TEX11: variants seen among roughly 807,000 people sequenced by gnomAD.
The protein encoded by TEX11 is testis expressed 11.
Under a neutral mutation model 84.4 loss-of-function variants are expected in TEX11, and 7 were observed. That is an observed-to-expected ratio of 0.08 (90% CI 0.05 to 0.16). The LOEUF (loss-of-function observed/expected upper bound fraction) is 0.16, where lower values mean the gene tolerates loss of function less well. Ranked by LOEUF, TEX11 falls within the 10% of genes least tolerant of loss-of-function variation. The pLI, the probability that TEX11 is intolerant of heterozygous loss-of-function variation, is 1.00. For missense variants in TEX11, 551 were observed against 660.5 expected (o/e 0.83, Z 1.82); for synonymous variants, 264 against 222.8 (o/e 1.18, Z -1.64).
chrX:70,789,356 C>T (rs781002571), intron 9 of TEX11, among the ~76,000 whole-genome samples: 13 of 111,853 alleles, frequency 1.2e-4, no homozygotes, highest in Non-Finnish European at 2.4e-4. Context: ...CTTTGGGAGG[C>T]CAAGGCAAGC....
At chrX:70,791,529 A>G (rs2091118117) in intron 9 of TEX11, among the ~76,000 whole-genome samples, 1 of 111,961 alleles carries the variant, frequency 8.9e-6, no homozygotes, top group Non-Finnish European at 1.9e-5. Flanking sequence ...TCTACAAAAT[A>G]TGTCACTCAG....
intron 9 of TEX11, among the ~76,000 whole-genome samples, chrX:70,776,319 T>C (rs1307440180): frequency 9.0e-6 from 1 of 110,667 alleles, no homozygotes; most frequent in Non-Finnish European, 1.9e-5. Context: ...CCCAGCACTT[T>C]GGGGGGCCGA....
chrX:70,724,764 GATA>G (rs1242081070), intron 12 of TEX11, among the ~76,000 whole-genome samples: 2 of 111,420 alleles, frequency 1.8e-5, no homozygotes, highest in Admixed American at 9.6e-5. Context: ...TGATGAGGTA[GATA>G]ATAATAATAT....
chrX:70,642,350 A>G (rs1343942533), intron 17 of TEX11, among the ~76,000 whole-genome samples: 18 of 111,466 alleles, frequency 1.6e-4, no homozygotes, highest in Admixed American at 5.7e-4. Flanking sequence ...ACAAGGAGGA[A>G]CCGGTACCAT....
Position 70,746,163 on chromosome X carries a change from C to A in TEX11, c.693-1944G>T, listed in dbSNP as rs778431896. On this transcript the variant is annotated intron_variant, in intron 9 of 29. Transcript: ENST00000374333. ...CTGGCTCCATGTGATGGAAGCTGCT[C>A]CAGATGGGTGCAGCCAAGAAGATAG... Among the ~76,000 whole-genome samples, 8 of 111,723 alleles carry A rather than the reference C, an allele frequency of 7.2e-5. No individual in the cohort carries two copies. In the East Asian group the frequency reaches 2.3e-3, roughly 32 times the overall value.
chrX:70,611,273 T>C (rs1324403199), intron 20 of TEX11, among the ~76,000 whole-genome samples: 2 of 111,768 alleles, frequency 1.8e-5, no homozygotes, highest in Non-Finnish European at 3.8e-5. Context: ...CTTGGACCTA[T>C]AAGAGACGAG....
At chrX:70,782,468 A>C (rs1248409729) in intron 9 of TEX11, among the ~76,000 whole-genome samples, 1 of 109,965 alleles carries the variant, frequency 9.1e-6, no homozygotes, top group African/African-American at 3.3e-5. Context: ...ACACATAACA[A>C]TATTAACCTT....
At chrX:70,529,765 T>C (rs749322072) in intron 29 of TEX11, 70 bp downstream of exon 29, 49 of 1,070,045 alleles carry the variant, frequency 4.6e-5, no homozygotes, top group Non-Finnish European at 6.0e-5. Context: ...GTTGAGTCCT[T>C]GTGGAGAGCC....
chrX:70,644,582 C>G (rs1188642350), intron 17 of TEX11, among the ~76,000 whole-genome samples: 1 of 103,876 alleles, frequency 9.6e-6, no homozygotes, highest in Admixed American at 1.1e-4. Flanking sequence ...CCATGGAATA[C>G]TATGCAGCCA....
rs368191222 is a variant in TEX11 at position 70,529,877 on chromosome X, G to A, written c.2643C>T (p.Phe881=). The A allele has an allele frequency of 1.0e-4, 123 of 1,209,186 alleles. No homozygotes were observed. The highest frequency in any genetic ancestry group is 1.3e-4 in the Non-Finnish European group (116 of 895,075). The change falls in exon 29 of 30, where the codon TTC becomes TTT. Residue 881 remains phenylalanine, a synonymous_variant. Coordinates refer to ENST00000374333, the MANE Select transcript of TEX11 (RefSeq NM_031276.3). ...AEKWCGLALR[F]LNHLTSFKES... is the part of the protein sequence containing the mutation. ...CCTTGAAGGAGGTAAGGTGGTTAAG[G>A]AAACGCAAGGCCAGGCCACACCACT...
rs529431520 is a variant in TEX11, at chrX:70,592,583, C to T, written c.2068-760G>A. 1.3e-4 allele frequency among the ~76,000 whole-genome samples: 15 copies of T among 111,707 alleles called. No homozygotes were observed. In the South Asian group the frequency reaches 3.8e-3, roughly 28 times the overall value. ...GTCTCAATCTCATCTCATCTCAGCTCTCTCATCTCAGCTCTCATCTCAGCT... is the reference window on the plus strand; with the variant it reads ...GTCTCAATCTCATCTCATCTCAGCTTTCTCATCTCAGCTCTCATCTCAGCT... On this transcript the variant is annotated intron_variant, in intron 24 of 29. Coordinates refer to ENST00000374333, the MANE Select transcript of TEX11 (RefSeq NM_031276.3).
intron 16 of TEX11, among the ~76,000 whole-genome samples, chrX:70,657,736 T>C (rs2089883664): frequency 9.1e-6 from 1 of 109,446 alleles, no homozygotes; most frequent in East Asian, 2.9e-4. Flanking sequence ...CATGGAATAC[T>C]ATGCAGCCAT....
intron 8 of TEX11, among the ~76,000 whole-genome samples, chrX:70,817,248 T>TACACAC (rs1231830224): frequency 3.2e-5 from 3 of 93,110 alleles, no homozygotes; most frequent in African/African-American, 8.8e-5. Flanking sequence ...CACACACATA[T>TACACAC]ATATATACAC....
intron 15 of TEX11, among the ~76,000 whole-genome samples, chrX:70,675,075 T>C (rs948525273): frequency 6.3e-5 from 7 of 111,589 alleles, no homozygotes; most frequent in African/African-American, 2.3e-4. Flanking sequence ...CATTTCTCTC[T>C]TCTTGGCCTA....
intron 9 of TEX11, among the ~76,000 whole-genome samples, chrX:70,759,517 T>G (rs1239265766): frequency 2.7e-5 from 3 of 111,896 alleles, no homozygotes; most frequent in Non-Finnish European, 3.8e-5. Context: ...AAAAACCATA[T>G]GATTATCTCA....
intron 7 of TEX11, among the ~76,000 whole-genome samples, chrX:70,839,140 G>C (rs907196041): frequency 9.8e-5 from 11 of 112,217 alleles, no homozygotes; most frequent in African/African-American, 3.6e-4. Context: ...TTTGAAGAGA[G>C]TAGTGGTTCT....
At chrX:70,852,979 A>G in intron 7 of TEX11, 55 bp downstream of exon 7, 1 of 1,149,079 alleles carries the variant, frequency 8.7e-7, no homozygotes, top group Non-Finnish European at 1.2e-6. Context: ...CATCACTTTT[A>G]CTTTTACATA....
In TEX11 at chrX:70,791,134, A is replaced by G. The variant is rs190225370; in HGVS notation, c.692+15571T>C. 2.3e-3 allele frequency among the ~76,000 whole-genome samples: 258 copies of G among 111,214 alleles called. 3 individuals are homozygous for G. The highest frequency in any genetic ancestry group is 7.8e-3 in the African/African-American group (238 of 30,577). On this transcript the variant is annotated intron_variant, in intron 9 of 29. Coordinates refer to ENST00000374333, the MANE Select transcript of TEX11 (RefSeq NM_031276.3). Reference sequence around the variant, plus strand: ...GCTATCTTTAAGAGATGCATCTCACATGTAATGACACCTACAGGCTCAAAG... The same window carrying G: ...GCTATCTTTAAGAGATGCATCTCACGTGTAATGACACCTACAGGCTCAAAG...
At chrX:70,645,027 GT>G (rs1381479972) in intron 17 of TEX11, among the ~76,000 whole-genome samples, 1 of 110,775 alleles carries the variant, frequency 9.0e-6, no homozygotes, top group Non-Finnish European at 1.9e-5. Context: ...GAACAATTAT[GT>G]ACCAAGAAAT....
Sources: allele counts gnomAD v4.1 joint callset (sites outside exome capture counted in the v4.1 genomes callset), GRCh38; gene constraint gnomAD v4.1.1; transcripts MANE v1.5; gene names NCBI Gene and HGNC (gene_info 2026-07-23, HGNC 2026-07-21).